COL4A2: variants seen among roughly 807,000 people sequenced by gnomAD.
The protein encoded by COL4A2 is collagen alpha-2(IV) chain.
COL4A2 carries 99 observed loss-of-function variants against 200.2 expected under a neutral mutation model. The ratio of observed to expected loss-of-function variants is 0.49; its 90% CI spans 0.42 to 0.58. COL4A2 has a LOEUF of 0.58. Ranked by LOEUF, COL4A2 falls within the 20% of genes least tolerant of loss-of-function variation. The probability of loss-of-function intolerance (pLI) is 0.00; values close to 1 mark genes in which losing one functional copy is unlikely to be tolerated. For missense variants in COL4A2, 1,950 were observed against 2,314.1 expected (o/e 0.84, Z 3.23); for synonymous variants, 897 against 900.6 (o/e 1.00, Z 0.07).
At chr13:110,325,000 G>C (rs954424712) in intron 3 of COL4A2, among the ~76,000 whole-genome samples, 6 of 152,190 alleles carry the variant, frequency 3.9e-5, no homozygotes, top group Non-Finnish European at 8.8e-5. Context: ...TGTCATGCCT[G>C]AGAGCACGTT....
chr13:110,389,427 C>G (rs1878900233), intron 4 of COL4A2, among the ~76,000 whole-genome samples: 1 of 152,168 alleles, frequency 6.6e-6, no homozygotes, highest in Admixed American at 6.5e-5. Context: ...AGAATCCACC[C>G]TTCATGATTT....
chr13:110,489,880 A>G, intron 36 of COL4A2, 95 bp downstream of exon 36: 1 of 1,324,098 alleles, frequency 7.6e-7, no homozygotes. Flanking sequence ...TTCAGTAACA[A>G]CCAGAAAGCA....
chr13:110,456,415 G>A (rs1040549872), intron 20 of COL4A2: 10 of 275,180 alleles, frequency 3.6e-5, no homozygotes, highest in South Asian at 3.5e-4. Context: ...CTTTTTTTTA[G>A]TTTTTTGGGG....
At chr13:110,466,551 T>C (rs1317595212) in intron 26 of COL4A2, among the ~76,000 whole-genome samples, 1 of 152,230 alleles carries the variant, frequency 6.6e-6, no homozygotes, top group East Asian at 1.9e-4. Context: ...CAACCAGAAG[T>C]GCCCACAGCC....
intron 4 of COL4A2, among the ~76,000 whole-genome samples, chr13:110,392,334 C>A (rs962393042): frequency 3.9e-5 from 6 of 152,078 alleles, no homozygotes; most frequent in African/African-American, 1.4e-4. Context: ...ATAGTTGAAA[C>A]GTAAATGGAG....
At chr13:110,362,823 T>G (rs1025234246) in intron 4 of COL4A2, among the ~76,000 whole-genome samples, 1 of 152,232 alleles carries the variant, frequency 6.6e-6, no homozygotes, top group Non-Finnish European at 1.5e-5. Flanking sequence ...AGCTTTGCTT[T>G]GCTTGTTAAC....
At chr13:110,434,332 A>G in intron 11 of COL4A2, 69 bp from the exon 12 acceptor site, 1 of 1,498,786 alleles carries the variant, frequency 6.7e-7, no homozygotes, top group Non-Finnish European at 9.1e-7. Flanking sequence ...TCTTTTTCTA[A>G]GAAAAATAAT....
chr13:110,350,964 A>G (rs371242568), intron 3 of COL4A2, among the ~76,000 whole-genome samples: 2 of 152,274 alleles, frequency 1.3e-5, no homozygotes, highest in African/African-American at 2.4e-5. Context: ...TATTTGTGGT[A>G]CAACTTCCAG....
intron 4 of COL4A2, among the ~76,000 whole-genome samples, chr13:110,422,155 C>T (rs1880274699): frequency 1.3e-5 from 2 of 152,150 alleles, no homozygotes; most frequent in African/African-American, 4.8e-5. Context: ...ACTAACAAAC[C>T]GCAGGCCTCA....
chr13:110,458,335 C>T, intron 21 of COL4A2: 1 of 349,860 alleles, frequency 2.9e-6, no homozygotes, highest in South Asian at 2.1e-5. Flanking sequence ...CCCTGCTCAC[C>T]TATGACCTTT....
chr13:110,478,309 T>G, intron 30 of COL4A2, 145 bp downstream of exon 30: 1 of 685,134 alleles, frequency 1.5e-6, no homozygotes, highest in Non-Finnish European at 2.2e-6. Context: ...AACATGTATT[T>G]CACCTAATAA....
intron 4 of COL4A2, among the ~76,000 whole-genome samples, chr13:110,387,679 A>G (rs74127434): frequency 0.015 from 2,352 of 152,224 alleles, 68 homozygotes; most frequent in African/African-American, 0.053. Flanking sequence ...GTTTTTCTAA[A>G]TACACCTCAG....
At chr13:110,391,790 G>T (rs758387666) in intron 4 of COL4A2, among the ~76,000 whole-genome samples, 14 of 152,210 alleles carry the variant, frequency 9.2e-5, no homozygotes, top group Admixed American at 2.6e-4. Context: ...CTAAAAGGCA[G>T]CCTCCACCCG....
intron 40 of COL4A2, among the ~76,000 whole-genome samples, chr13:110,498,621 T>C (rs1883537292): frequency 6.6e-6 from 1 of 152,258 alleles, no homozygotes; most frequent in African/African-American, 2.4e-5. Flanking sequence ...ATTTATCTCA[T>C]TTATTTTCCA....
At chr13:110,455,332 G>A (rs1009572135) in intron 20 of COL4A2, among the ~76,000 whole-genome samples, 3 of 152,140 alleles carry the variant, frequency 2.0e-5, no homozygotes, top group Admixed American at 6.5e-5. Flanking sequence ...TAGAAACCCT[G>A]TCCTCACTCT....
chr13:110,476,727 C>T (rs576234635), intron 29 of COL4A2, among the ~76,000 whole-genome samples: 8 of 152,268 alleles, frequency 5.3e-5, no homozygotes, highest in Middle Eastern at 3.4e-3. Flanking sequence ...GTCAGGCTCA[C>T]GAAGAGAGGG....
chr13:110,502,978 A>T (rs1246809665), intron 41 of COL4A2, 143 bp from the exon 42 acceptor site: 1 of 787,172 alleles, frequency 1.3e-6, no homozygotes, highest in Admixed American at 2.5e-5. Flanking sequence ...TTTTACGACA[A>T]TTTTTTAAAA....
intron 4 of COL4A2, among the ~76,000 whole-genome samples, chr13:110,411,765 G>T (rs1044989825): frequency 6.6e-6 from 1 of 152,198 alleles, no homozygotes. Flanking sequence ...CAGAGTCCAA[G>T]GTCATGTCTG....
In COL4A2 at chr13:110,311,019, C is replaced by T. The variant is rs547231666; in HGVS notation, c.99+2896C>T. Among the ~76,000 whole-genome samples, 5 of 152,292 alleles carry T rather than the reference C, an allele frequency of 3.3e-5. No homozygotes were observed. In the East Asian group the frequency reaches 7.7e-4, roughly 24 times the overall value. On this transcript the variant is annotated intron_variant, in intron 3 of 47. Coordinates refer to ENST00000360467, the MANE Select transcript of COL4A2 (RefSeq NM_001846.4). ...AGGGCCTGAAAGGTGGCCGGGAGGG[C>T]ACTCCTGAGTTTCAGTCTTTGAGTC...
Sources: gnomAD v4.1 joint callset for allele counts (sites outside exome capture counted in the v4.1 genomes callset) on GRCh38, gnomAD v4.1.1 for gene constraint, MANE v1.5 for transcripts, NCBI Gene and HGNC (gene_info 2026-07-23, HGNC 2026-07-21) for gene names.